The following ZNF687 variants were observed in gnomAD, a reference collection of about 807,000 sequenced individuals.
ZNF687 encodes zinc finger protein 687.
ZNF687 carries 13 observed loss-of-function variants against 71.8 expected under a neutral mutation model. That is an observed-to-expected ratio of 0.18 (90% CI 0.12 to 0.29). ZNF687 has a LOEUF of 0.29. ZNF687 is among the 10% of genes least tolerant of loss of function. The pLI is 1.00. For synonymous variants in ZNF687, 673 were observed against 641.6 expected (o/e 1.05, Z -0.74); for missense variants, 1,412 against 1,625.6 (o/e 0.87, Z 2.26).
chr1:151,291,401 G>A lies in ZNF687; in HGVS notation c.*192G>A. On this transcript the variant is annotated 3_prime_UTR_variant, in exon 9 of 9. Transcript: ENST00000336715. ...ACCTCCCTTTGGGTTTGGCCCTGGA[G>A]TCCTAGTAGAGTGGACCCTCCATTC... 1.4e-6 allele frequency: 1 copy of A among 710,224 alleles called. No individual in the cohort carries two copies. The highest frequency in any genetic ancestry group is 2.2e-6 in the Non-Finnish European group (1 of 446,788). The allele number at this position is 710,224 out of a possible 1,614,324, so 44.0% of individuals were successfully genotyped here.
Position 151,288,098 on chromosome 1 carries a change from G to T in ZNF687, c.1807G>T (p.Ala603Ser), listed in dbSNP as rs768167102. 1 of 1,613,982 alleles carries T rather than the reference G, an allele frequency of 6.2e-7. No individual in the cohort carries two copies. The highest frequency in any genetic ancestry group is 2.2e-5 in the East Asian group (1 of 44,880). ...QCSHLVMRPV[A>S]LDQMVGQPDI... Reference sequence around the variant, plus strand: ...CTCACATTTGGTCATGAGGCCTGTAGCCCTTGACCAGATGGTGGGGCAGCC... The same window carrying T: ...CTCACATTTGGTCATGAGGCCTGTATCCCTTGACCAGATGGTGGGGCAGCC... The change falls in exon 2 of 9, where the codon GCC becomes TCC. Residue 603 changes from alanine to serine, a missense_variant. Physicochemically the swap from Ala to Ser is moderately conservative, Grantham distance 99. Around this residue, in one of 8 missense-constraint regions of ZNF687, gnomAD observed 207 missense variants for 239.2 expected, o/e 0.87. Transcript: ENST00000336715.
chr1:151,289,225 G>A lies in ZNF687; in HGVS notation c.2425G>A (p.Ala809Thr). 1 of 1,614,108 alleles carries A rather than the reference G, an allele frequency of 6.2e-7. No homozygotes were observed. The highest frequency in any genetic ancestry group is 8.5e-7 in the Non-Finnish European group (1 of 1,180,040). The change falls in exon 4 of 9, where the codon GCC becomes ACC. Residue 809 changes from alanine to threonine, a missense_variant. Transcript: ENST00000336715. ...CTTCAAGTCTGGGCCAAGTGCCCAT[G>A]CCCACCTCTACTCCCAGCATCCCAG... ...MAFKSGPSAHAHLYSQHPSFQ... is the reference protein window; with the variant it reads ...MAFKSGPSAHTHLYSQHPSFQ...
At position 151,287,278 on chromosome 1, in the gene ZNF687, G is replaced by A. The variant is rs1454441671; in HGVS notation, c.987G>A (p.Lys329=). The change falls in exon 2 of 9, where the codon AAG becomes AAA. Residue 329 remains lysine (K), a synonymous_variant. Coordinates refer to ENST00000336715, the MANE Select transcript of ZNF687 (RefSeq NM_020832.3). The surrounding 1 kb of genome is among the most constrained non-coding windows in gnomAD (Gnocchi z 5.0). ...SPASSSSRPL[K]VRIKTIKTSC... Reference sequence around the variant, plus strand: ...CCTCCAGCTCCTCTAGGCCTCTTAAGGTGCGGATCAAGACCATTAAAACAT... The same window carrying A: ...CCTCCAGCTCCTCTAGGCCTCTTAAAGTGCGGATCAAGACCATTAAAACAT... The A allele has an allele frequency of 1.2e-5, 20 of 1,614,052 alleles. No individual in the cohort carries two copies. The highest frequency in any genetic ancestry group is 1.7e-6 in the Non-Finnish European group (2 of 1,180,030).
chr1:151,290,802 G>A lies in ZNF687; in HGVS notation c.3307G>A (p.Gly1103Arg), dbSNP rs773092269. The A allele has an allele frequency of 2.3e-5, 37 of 1,613,744 alleles. 1 individual carries two copies. Among genetic ancestry groups the A allele is most frequent in the Admixed American group, 1.3e-4 (8 of 60,000 alleles). The change falls in exon 9 of 9, where the codon GGA (glycine) becomes AGA (arginine). Residue 1103 changes from glycine to arginine, a missense_variant. Transcript: ENST00000336715. ...ACCGCCAGCCAAGTCCCCCAGGGGC[G>A]GACCTGGATCTGGAGGCCATGGCCC... The part of the protein sequence containing the change: ...TTPPAKSPRG[G>R]PGSGGHGPLR...
At position 151,291,435 on chromosome 1, in the gene ZNF687, T is replaced by A; in HGVS notation, c.*226T>A. 1.9e-6 allele frequency: 1 copy of A among 534,890 alleles called. No individual in the cohort carries two copies. Among genetic ancestry groups the A allele is most frequent in the Non-Finnish European group, 3.3e-6 (1 of 306,820 alleles). 33.1% of individuals were successfully genotyped at this position (534,890 alleles called of 1,614,324 possible). A position where few individuals can be genotyped will look rare whatever the true frequency, so the allele number is the denominator to read the frequency against. On this transcript the variant is annotated 3_prime_UTR_variant, in exon 9 of 9. Coordinates refer to ENST00000336715, the MANE Select transcript of ZNF687 (RefSeq NM_020832.3). Reference sequence around the variant, plus strand: ...GAGTGGACCCTCCATTCCTCCTTTCTGAGCCCAACACTAATTAATTTTATG... The same window carrying A: ...GAGTGGACCCTCCATTCCTCCTTTCAGAGCCCAACACTAATTAATTTTATG...
chr1:151,283,727 T>G, intron 1 of ZNF687: 1 of 734,120 alleles, frequency 1.4e-6, no homozygotes, highest in Non-Finnish European at 1.7e-6. Context: ...AGACAAGGGT[T>G]TTTGTTTAAA....
At chr1:151,282,634 G>T (rs946382235) in intron 1 of ZNF687, among the ~76,000 whole-genome samples, 2 of 152,188 alleles carry the variant, frequency 1.3e-5, no homozygotes, top group African/African-American at 4.8e-5. Flanking sequence ...AGAACCCCAG[G>T]TCCTGGCGCC....
chr1:151,287,693 G>A lies in ZNF687; in HGVS notation c.1402G>A (p.Ala468Thr), dbSNP rs1442102990. Residue 468 changes from alanine to threonine, a missense_variant, in exon 2 of 9, where the codon GCC becomes ACC. Around this residue, in one of 8 missense-constraint regions of ZNF687, gnomAD observed 133 missense variants for 155.1 expected, o/e 0.86. Transcript: ENST00000336715. This position sits in a 1 kb window ranked among gnomAD's most constrained non-coding sequence, Gnocchi z 5.0. ...GACTGGGGGACAGAAGGTGAATGGT[G>A]CCTCGGTGGTGATGGTGCAACCTTC... ...LGTGGQKVNG[A>T]SVVMVQPSKT... 7 of 1,613,548 alleles carry A rather than the reference G, an allele frequency of 4.3e-6. No individual in the cohort carries two copies. Among genetic ancestry groups the A allele is most frequent in the Non-Finnish European group, 5.9e-6 (7 of 1,179,826 alleles).
intron 3 of ZNF687, 56 bp downstream of exon 3, chr1:151,288,762 C>T: frequency 6.6e-7 from 1 of 1,524,624 alleles, no homozygotes; most frequent in East Asian, 2.3e-5. Flanking sequence ...CTAGCCTCAG[C>T]CTCAGATGGC....
chr1:151,286,702 TC>T lies in ZNF687; in HGVS notation c.415del (p.His139ThrfsTer52). 1 of 1,614,084 alleles carries T rather than the reference TC, an allele frequency of 6.2e-7. No homozygotes were observed. Among genetic ancestry groups the T allele is most frequent in the Non-Finnish European group, 8.5e-7 (1 of 1,179,980 alleles). On this transcript the variant is annotated frameshift_variant, in exon 2 of 9. Transcript: ENST00000336715. LOFTEE classifies it high-confidence loss of function. The part of the protein sequence containing the change: ...GSPEPSLPGT[P>X]HSPAPPSGGT... ...GCCCTGAACCTTCCCTCCCAGGAAC[TC>T]CCCACTCTCCTGCTCCTCCCAGTGG...
At position 151,289,859 on chromosome 1, in the gene ZNF687, G is replaced by C. The variant is rs587704736; in HGVS notation, c.2816G>C (p.Arg939Pro). The C allele has an allele frequency of 6.4e-7, 1 of 1,567,530 alleles. No homozygotes were observed. The highest frequency in any genetic ancestry group is 8.7e-7 in the Non-Finnish European group (1 of 1,155,462). Reference sequence around the variant, plus strand: ...GTACCCAGCTCCCCTGAGCCCCCCCGTCCAGCCAAACGGCCTCGGCGGGAA... The same window carrying C: ...GTACCCAGCTCCCCTGAGCCCCCCCCTCCAGCCAAACGGCCTCGGCGGGAA... The part of the protein sequence containing the change: ...EEVPSSPEPP[R>P]PAKRPRRELG... Residue 939 changes from arginine to proline, a missense_variant, in exon 6 of 9, where the codon CGT becomes CCT. Arg to Pro is a moderately radical substitution (Grantham distance 103, BLOSUM62 -2). This residue lies in a region of ZNF687 where 135 missense variants were observed against 104.1 expected (regional missense o/e 1.30). Transcript: ENST00000336715.
Position 151,288,668 on chromosome 1 carries a change from G to A in ZNF687, c.2256G>A (p.Arg752=), listed in dbSNP as rs1165248081. ...AAGCCAATTTTCAGACCCATCTCCG[G>A]GAGGCCTGTCTGCACGTCTCTCGCC... The part of the protein sequence containing the change: ...FLQANFQTHL[R]EACLHVSRRV... Residue 752 remains arginine, a synonymous_variant, in exon 3 of 9, where the codon CGG becomes CGA. Coordinates refer to ENST00000336715, the MANE Select transcript of ZNF687 (RefSeq NM_020832.3). 6.2e-7 allele frequency: 1 copy of A among 1,614,016 alleles called. No homozygotes were observed. The highest frequency in any genetic ancestry group is 2.2e-5 in the East Asian group (1 of 44,882).
At position 151,290,019 on chromosome 1, in the gene ZNF687, C is replaced by T. The variant is rs750783972; in HGVS notation, c.2964+12C>T. The T allele has an allele frequency of 3.1e-6, 5 of 1,592,346 alleles. No individual in the cohort carries two copies. Among genetic ancestry groups the T allele is most frequent in the Non-Finnish European group, 4.3e-6 (5 of 1,167,166 alleles). Reference sequence around the variant, plus strand: ...AGGAGCATGGCAAGGTGAGTGGGCCCCAAGGGGAGTACCATGGGCTGGGGG... The same window carrying T: ...AGGAGCATGGCAAGGTGAGTGGGCCTCAAGGGGAGTACCATGGGCTGGGGG... On this transcript the variant is annotated intron_variant, in intron 6 of 8. Coordinates refer to ENST00000336715, the MANE Select transcript of ZNF687 (RefSeq NM_020832.3).
chr1:151,283,076 G>C, intron 1 of ZNF687: 1 of 963,498 alleles, frequency 1.0e-6, no homozygotes, highest in South Asian at 4.7e-5. Context: ...GCCTGGCCTG[G>C]CTGAGGCCCG....
At chr1:151,289,580 A>G (rs1694111397) in intron 5 of ZNF687, 40 bp downstream of exon 5, 1 of 1,613,286 alleles carries the variant, frequency 6.2e-7, no homozygotes, top group African/African-American at 1.3e-5. Flanking sequence ...GCTTAGCTGT[A>G]CTGACCTGGG....
At position 151,290,849 on chromosome 1, in the gene ZNF687, C is replaced by T. The variant is rs1453892146; in HGVS notation, c.3354C>T (p.Ser1118=). 2 of 1,613,948 alleles carry T rather than the reference C, an allele frequency of 1.2e-6. No homozygotes were observed. Among genetic ancestry groups the T allele is most frequent in the East Asian group, 4.5e-5 (2 of 44,896 alleles). Residue 1118 remains serine, a synonymous_variant, in exon 9 of 9, where the codon AGC becomes AGT. Transcript: ENST00000336715. ...GCCCTCTGCGCTACCGGAGCAGCAG[C>T]TCCACAGAACAGAGCCTCATGATGG... ...GHGPLRYRSS[S]STEQSLMMGL...
chr1:151,287,545 T>C lies in ZNF687; in HGVS notation c.1254T>C (p.Ser418=). The C allele has an allele frequency of 6.2e-7, 1 of 1,614,080 alleles. No individual in the cohort carries two copies. The highest frequency in any genetic ancestry group is 8.5e-7 in the Non-Finnish European group (1 of 1,180,022). ...GTACTGCCATGCTGATGGCAGCCAG[T>C]GTGGCTCGCAAGGCTGTGGTGCTGC... ...NASTAMLMAA[S]VARKAVVLPG... Residue 418 remains serine, a synonymous_variant, in exon 2 of 9, where the codon AGT becomes AGC. Transcript: ENST00000336715. The surrounding 1 kb of genome is among the most constrained non-coding windows in gnomAD (Gnocchi z 5.0).
rs1284263628 is a variant in ZNF687 at position 151,286,086 on chromosome 1, A to G, written c.-17-189A>G. On this transcript the variant is annotated intron_variant, in intron 1 of 8. Transcript: ENST00000336715. ...TGGAGCCCACCAAGGTATGGACACT[A>G]ATCCTCTTCTGATTTTAAGGTTTGG... 1.7e-5 allele frequency: 8 copies of G among 462,298 alleles called. No individual in the cohort carries two copies. The East Asian group carries it at 2.7e-4, about 16-fold the overall frequency. 28.6% of individuals were successfully genotyped at this position (462,298 alleles called of 1,614,324 possible).
intron 1 of ZNF687, chr1:151,283,175 C>T (rs1693797824): frequency 1.0e-6 from 1 of 985,350 alleles, no homozygotes; most frequent in Non-Finnish European, 1.2e-6. Flanking sequence ...CCCGCCCCCT[C>T]CTCGAAACCC....
Sources: gnomAD v4.1 joint callset for allele counts (sites outside exome capture counted in the v4.1 genomes callset) on GRCh38, gnomAD v4.1.1 for gene constraint, gnomAD v4.1.1 regional missense constraint, Gnocchi (gnomAD v3.1) non-coding constraint, MANE v1.5 for transcripts, NCBI Gene and HGNC (gene_info 2026-07-23, HGNC 2026-07-21) for gene names.